The following CAB39 variants were observed in gnomAD, a reference collection of about 807,000 sequenced individuals.
CAB39 encodes calcium-binding protein 39.
A neutral mutation model predicts 40.0 loss-of-function variants in CAB39; 8 were observed. That is an observed-to-expected ratio of 0.20 (90% confidence interval 0.12 to 0.36). The LOEUF (loss-of-function observed/expected upper bound fraction) is 0.36. CAB39 is among the 10% of genes least tolerant of loss of function. CAB39 has a pLI of 1.00. For missense variants in CAB39, 270 were observed against 401.1 expected, an observed-to-expected ratio of 0.67 and a Z score of 2.79; for synonymous variants, 156 against 141.6, an observed-to-expected ratio of 1.10 and a Z score of -0.72.
Position 230,817,607 on chromosome 2 carries a change from T to C in CAB39, c.694-147T>C, listed in dbSNP as rs1463787168. On this transcript the variant is annotated intron_variant, in intron 7 of 8. Coordinates refer to ENST00000258418, the MANE Select transcript of CAB39 (RefSeq NM_016289.4). ...TGGCAGAGAGAAGGCCCTTCGTAGC[T>C]TTTAGGTTGTAATTCAGTTCAGTTC... is the stretch of plus-strand genomic sequence containing the variant. The C allele has an allele frequency of 2.1e-5, 12 of 575,932 alleles. No individual in the cohort carries two copies. The African/African-American group carries it at 2.1e-4, about 10-fold the overall frequency. 35.7% of individuals were successfully genotyped at this position (575,932 alleles called of 1,614,324 possible). A position where few individuals can be genotyped will look rare whatever the true frequency, so the allele number is the denominator to read the frequency against.
chr2:230,778,830 G>C (rs1695639631), intron 2 of CAB39, among the ~76,000 whole-genome samples: 1 of 152,150 alleles, frequency 6.6e-6, no homozygotes, highest in African/African-American at 2.4e-5. Context: ...AGCGAATACT[G>C]TAGGCAGTTG....
At chr2:230,774,307 AT>A (rs1286275229) in intron 2 of CAB39, among the ~76,000 whole-genome samples, 1 of 152,120 alleles carries the variant, frequency 6.6e-6, no homozygotes, top group Non-Finnish European at 1.5e-5. Flanking sequence ...TGGTATTTGT[AT>A]TTGTTTTATA....
intron 5 of CAB39, among the ~76,000 whole-genome samples, chr2:230,805,175 C>G (rs1222171853): frequency 1.3e-5 from 2 of 151,776 alleles, no homozygotes; most frequent in African/African-American, 2.4e-5. Context: ...CATGTTCTCA[C>G]TCATAGGTGC....
intron 4 of CAB39, among the ~76,000 whole-genome samples, chr2:230,797,626 CCTAA>C (rs1252990276): frequency 4.0e-5 from 6 of 151,892 alleles, no homozygotes; most frequent in African/African-American, 1.2e-4. Flanking sequence ...ACAGAAAATG[CCTAA>C]CTAATTCAGG....
chr2:230,800,034 A>G (rs1339164973), intron 5 of CAB39, among the ~76,000 whole-genome samples: 3 of 152,034 alleles, frequency 2.0e-5, no homozygotes, highest in Non-Finnish European at 4.4e-5. Context: ...CACACAGCCC[A>G]AAGAAAATAC....
At chr2:230,779,138 G>A (rs925232473) in intron 2 of CAB39, 1 of 149,652 alleles carries the variant, frequency 6.7e-6, no homozygotes, top group Non-Finnish European at 1.5e-5. Context: ...AGATGAAGTT[G>A]TTATCATTTG....
At chr2:230,761,136 G>A (rs904947740) in intron 2 of CAB39, among the ~76,000 whole-genome samples, 2 of 151,560 alleles carry the variant, frequency 1.3e-5, no homozygotes, top group African/African-American at 4.9e-5. Context: ...GTCTAAATAT[G>A]AAATTCATTT....
In CAB39 at chr2:230,818,776, T is replaced by C. The variant is rs559978943; in HGVS notation, c.*72T>C. The C allele has an allele frequency of 5.7e-4, 648 of 1,144,184 alleles. 7 individuals are homozygous for C. The South Asian group carries it at 7.5e-3, about 13-fold the overall frequency. The allele number at this position is 1,144,184 out of a possible 1,614,324, so 70.9% of individuals were successfully genotyped here. A position where few individuals can be genotyped will look rare whatever the true frequency, so the allele number is the denominator to read the frequency against. Reference sequence around the variant, plus strand: ...AGCTATTCAGCATCAGGCACTCTTATTGATTCATGAGGAACATTACTGCTA... The same window carrying C: ...AGCTATTCAGCATCAGGCACTCTTACTGATTCATGAGGAACATTACTGCTA... On this transcript the variant is annotated 3_prime_UTR_variant, in exon 9 of 9. Coordinates refer to ENST00000258418, the MANE Select transcript of CAB39 (RefSeq NM_016289.4).
In CAB39 at chr2:230,712,976, C is replaced by T. The variant is rs572459502; in HGVS notation, c.-298C>T. 6.6e-6 allele frequency: 1 copy of T among 151,398 alleles called. No individual in the cohort carries two copies. Among genetic ancestry groups the T allele is most frequent in the Admixed American group, 6.6e-5 (1 of 15,174 alleles). 9.4% of individuals were successfully genotyped at this position (151,398 alleles called of 1,614,324 possible). On this transcript the variant is annotated 5_prime_UTR_variant, in exon 1 of 9. Transcript: ENST00000258418. ...CGAAGACTAAGGCGGCGCCGGGCCCCACAGCAGCAGCCGCAGCCCAAGCGA... is the reference window on the plus strand; with the variant it reads ...CGAAGACTAAGGCGGCGCCGGGCCCTACAGCAGCAGCCGCAGCCCAAGCGA...
At chr2:230,766,786 C>CA (rs1695393573) in intron 2 of CAB39, among the ~76,000 whole-genome samples, 1 of 152,206 alleles carries the variant, frequency 6.6e-6, no homozygotes, top group South Asian at 2.1e-4. Flanking sequence ...GTTGGCCTCC[C>CA]AAATTGCTGG....
chr2:230,796,556 G>A (rs1318215811), intron 4 of CAB39, among the ~76,000 whole-genome samples: 1 of 152,060 alleles, frequency 6.6e-6, no homozygotes, highest in Non-Finnish European at 1.5e-5. Flanking sequence ...AAGATGAATT[G>A]TATGATCAGC....
chr2:230,780,107 G>T (rs909225466), intron 2 of CAB39, among the ~76,000 whole-genome samples: 2 of 152,162 alleles, frequency 1.3e-5, no homozygotes, highest in Non-Finnish European at 2.9e-5. Flanking sequence ...TGGCACAATT[G>T]CACAGGGGGT....
At chr2:230,749,142 C>T (rs1212272489) in intron 1 of CAB39, among the ~76,000 whole-genome samples, 1 of 151,084 alleles carries the variant, frequency 6.6e-6, no homozygotes, top group African/African-American at 2.4e-5. Flanking sequence ...CTTATATATA[C>T]ATATGTTACT....
intron 1 of CAB39, among the ~76,000 whole-genome samples, chr2:230,731,544 G>A (rs578021611): frequency 3.9e-5 from 6 of 152,244 alleles, no homozygotes; most frequent in East Asian, 3.9e-4. Context: ...CACTGTCACC[G>A]AGGCTGTGAG....
At chr2:230,788,955 T>C (rs1221738562) in intron 2 of CAB39, among the ~76,000 whole-genome samples, 1 of 152,238 alleles carries the variant, frequency 6.6e-6, no homozygotes, top group African/African-American at 2.4e-5. Flanking sequence ...TTGGAAAACA[T>C]TCGTCCATTA....
At chr2:230,765,301 G>A (rs6706979) in intron 2 of CAB39, among the ~76,000 whole-genome samples, 4,874 of 152,192 alleles carry the variant, frequency 0.032, 121 homozygotes, top group Middle Eastern at 0.058. Flanking sequence ...TGCAATAACT[G>A]CTATTAAAGT....
chr2:230,790,254 A>G (rs11689387), intron 2 of CAB39, among the ~76,000 whole-genome samples: 21,949 of 151,770 alleles, frequency 0.14, 2,337 homozygotes, highest in African/African-American at 0.31. Context: ...AAAAAAAAAA[A>G]TGTCGTTTTA....
intron 4 of CAB39, among the ~76,000 whole-genome samples, chr2:230,794,298 G>A (rs1213588379): frequency 2.6e-5 from 4 of 152,060 alleles, no homozygotes; most frequent in African/African-American, 4.8e-5. Context: ...CTAACCATCT[G>A]TGTTACTTCT....
Position 230,748,826 on chromosome 2 carries a change from AAAAAAATATATATATATAT to A in CAB39, c.-43-11131_-43-11113del, listed in dbSNP as rs1373594645. ...TATTTCCAAAAAGAAAAAAAAAAAAAAAAAAATATATATATATATATATATATATATATATATATATAAC... is the reference window on the plus strand; with the variant it reads ...TATTTCCAAAAAGAAAAAAAAAAAAAATATATATATATATATATATATAAC... On this transcript the variant is annotated intron_variant, in intron 1 of 8. Coordinates refer to ENST00000258418, the MANE Select transcript of CAB39 (RefSeq NM_016289.4). Among the ~76,000 whole-genome samples, 24 of 70,560 alleles carry A rather than the reference AAAAAAATATATATATATAT, an allele frequency of 3.4e-4. 2 individuals are homozygous for A. The South Asian group carries it at 7.7e-3, about 23-fold the overall frequency. 46.3% of individuals were successfully genotyped at this position (70,560 alleles called of 152,430 possible).
Sources: allele counts gnomAD v4.1 joint callset (sites outside exome capture counted in the v4.1 genomes callset), GRCh38; gene constraint gnomAD v4.1.1; transcripts MANE v1.5; gene names NCBI Gene and HGNC (gene_info 2026-07-23, HGNC 2026-07-21).